PCDH11X: variants seen among roughly 807,000 people sequenced by gnomAD.
The protein encoded by PCDH11X is protocadherin 11 X-linked.
Under a neutral mutation model 53.3 loss-of-function variants are expected in PCDH11X, and 18 were observed. The observed-to-expected ratio is 0.34, with a 90% CI of 0.23 to 0.50. PCDH11X has a LOEUF of 0.50. Among genes scored for constraint, PCDH11X ranks in the 20% least tolerant of loss-of-function variants. PCDH11X has a pLI of 0.98. For synonymous variants in PCDH11X, 279 were observed against 393.3 expected, an observed-to-expected ratio of 0.71 and a Z score of 3.44; for missense variants, 570 against 1,032.4, an observed-to-expected ratio of 0.55 and a Z score of 6.14.
chrX:92,238,806 A>G (rs986493711), intron 7 of PCDH11X, among the ~76,000 whole-genome samples: 2 of 111,935 alleles, frequency 1.8e-5, no homozygotes, highest in African/African-American at 6.5e-5. Context: ...TATTATGAAT[A>G]CTGCACATTT....
chrX:92,154,585 C>A (rs1272939489), intron 6 of PCDH11X, among the ~76,000 whole-genome samples: 1 of 108,209 alleles, frequency 9.2e-6, no homozygotes, highest in Non-Finnish European at 1.9e-5. Flanking sequence ...TGCCTCCATC[C>A]TGGGCCTATA....
chrX:92,080,907 C>T (rs2063846425), intron 6 of PCDH11X, among the ~76,000 whole-genome samples: 1 of 110,991 alleles, frequency 9.0e-6, no homozygotes, highest in African/African-American at 3.3e-5. Context: ...ACAGATTTTT[C>T]TCAGTCTCAG....
At chrX:92,246,641 G>A (rs1038291715) in intron 7 of PCDH11X, among the ~76,000 whole-genome samples, 5 of 111,729 alleles carry the variant, frequency 4.5e-5, no homozygotes, top group African/African-American at 1.3e-4. Flanking sequence ...GTAAGCCACC[G>A]TGCCCGACCT....
At chrX:91,920,128 C>T (rs776621010) in intron 6 of PCDH11X, among the ~76,000 whole-genome samples, 1 of 111,775 alleles carries the variant, frequency 8.9e-6, no homozygotes, top group South Asian at 3.7e-4. Context: ...ATTTTATTCC[C>T]TTTGCTTAAT....
intron 10 of PCDH11X, among the ~76,000 whole-genome samples, chrX:92,481,176 G>A (rs1408351117): frequency 9.0e-6 from 1 of 110,747 alleles, no homozygotes; most frequent in Admixed American, 9.6e-5. Flanking sequence ...CCTGGTAAAG[G>A]TGGGGCTGCT....
At chrX:92,278,571 G>A (rs1231781479) in intron 8 of PCDH11X, among the ~76,000 whole-genome samples, 1 of 110,566 alleles carries the variant, frequency 9.0e-6, no homozygotes, top group Non-Finnish European at 1.9e-5. Context: ...GGGTCACAAG[G>A]TGCTCAGTGG....
intron 8 of PCDH11X, among the ~76,000 whole-genome samples, chrX:92,268,732 C>A (rs1355283037): frequency 1.8e-5 from 2 of 111,434 alleles, no homozygotes; most frequent in African/African-American, 6.5e-5. Context: ...AAAATTTGAT[C>A]AGTGGCAAAA....
chrX:91,817,881 T>C (rs957426587), intron 4 of PCDH11X, among the ~76,000 whole-genome samples: 5 of 111,693 alleles, frequency 4.5e-5, no homozygotes, highest in Admixed American at 1.9e-4. Flanking sequence ...CTGGTCTTTA[T>C]TTTCCAGGGT....
At chrX:92,216,607 A>T (rs1449927910) in intron 7 of PCDH11X, among the ~76,000 whole-genome samples, 1 of 97,804 alleles carries the variant, frequency 1.0e-5, no homozygotes, top group African/African-American at 3.7e-5. Context: ...GGGAGAATGG[A>T]ACCAAGTTGG....
intron 6 of PCDH11X, among the ~76,000 whole-genome samples, chrX:91,953,372 C>T (rs2061666702): frequency 9.1e-6 from 1 of 110,314 alleles, no homozygotes; most frequent in South Asian, 3.9e-4. Flanking sequence ...AGAAACTAAT[C>T]AAAATCTAAG....
At chrX:91,841,703 G>C (rs141673949) in intron 5 of PCDH11X, among the ~76,000 whole-genome samples, 1,172 of 110,783 alleles carry the variant, frequency 0.011, 17 homozygotes, top group African/African-American at 0.036. Context: ...TAACAATTTT[G>C]ATCAATGCTA....
intron 6 of PCDH11X, among the ~76,000 whole-genome samples, chrX:91,921,323 A>G (rs1443975304): frequency 9.9e-5 from 11 of 110,864 alleles, no homozygotes; most frequent in Admixed American, 1.9e-4. Flanking sequence ...AATATCACCC[A>G]AAGTCCATAG....
intron 9 of PCDH11X, among the ~76,000 whole-genome samples, chrX:92,438,605 C>G (rs184159804): frequency 8.1e-5 from 9 of 110,946 alleles, no homozygotes; most frequent in African/African-American, 2.6e-4. Context: ...ATAAGACACT[C>G]AATAGAAAGG....
intron 6 of PCDH11X, among the ~76,000 whole-genome samples, chrX:92,090,935 T>C (rs1198647048): frequency 8.9e-6 from 1 of 112,134 alleles, no homozygotes; most frequent in Non-Finnish European, 1.9e-5. Context: ...ATTTTGCCAT[T>C]CTTCCATCAA....
chrX:92,318,873 T>C (rs1327424795), intron 8 of PCDH11X, among the ~76,000 whole-genome samples: 1 of 111,478 alleles, frequency 9.0e-6, no homozygotes, highest in Non-Finnish European at 1.9e-5. Flanking sequence ...TTAAAAACCA[T>C]AAAGGAAATC....
chrX:91,875,817 T>A (rs2147725943), intron 5 of PCDH11X, among the ~76,000 whole-genome samples: 1 of 110,935 alleles, frequency 9.0e-6, no homozygotes, highest in East Asian at 2.8e-4. Flanking sequence ...TGAAATTCTT[T>A]GTATTTTATA....
At chrX:91,958,702 A>G (rs1165185923) in intron 6 of PCDH11X, among the ~76,000 whole-genome samples, 1 of 110,319 alleles carries the variant, frequency 9.1e-6, no homozygotes, top group East Asian at 2.9e-4. Flanking sequence ...GGATATTTCA[A>G]TTGAAGATGC....
intron 8 of PCDH11X, among the ~76,000 whole-genome samples, chrX:92,361,711 AATGGCATT>A (rs1238734668): frequency 9.3e-6 from 1 of 107,504 alleles, no homozygotes; most frequent in African/African-American, 3.4e-5. Context: ...TATACAGTTC[AATGGCATT>A]AAGTACATCA....
chrX:92,465,697 G>A (rs2073143605), intron 9 of PCDH11X, among the ~76,000 whole-genome samples: 1 of 111,090 alleles, frequency 9.0e-6, no homozygotes, highest in Non-Finnish European at 1.9e-5. Context: ...GGAATATAAA[G>A]GAGATATTAA....
Sources: allele counts gnomAD v4.1 joint callset (sites outside exome capture counted in the v4.1 genomes callset), GRCh38; gene constraint gnomAD v4.1.1; transcripts MANE v1.5; gene names NCBI Gene and HGNC (gene_info 2026-07-23, HGNC 2026-07-21).